YPEL2: variants seen among roughly 807,000 people sequenced by gnomAD.
YPEL2 encodes protein yippee-like 2.
YPEL2 carries 2 observed loss-of-function variants against 19.1 expected under a neutral mutation model. The ratio of observed to expected loss-of-function variants is 0.10; its 90% CI spans 0.04 to 0.33. The LOEUF is 0.33. YPEL2 is among the 10% of genes least tolerant of loss of function. The probability of loss-of-function intolerance (pLI) is 1.00; values close to 1 mark genes in which losing one functional copy is unlikely to be tolerated. For synonymous variants in YPEL2, 52 were observed against 50.0 expected (o/e 1.04, Z -0.17); for missense variants, 66 against 140.7 (o/e 0.47, Z 2.68).
intron 1 of YPEL2, among the ~76,000 whole-genome samples, chr17:59,352,678 C>G (rs1314834870): frequency 6.6e-6 from 1 of 152,174 alleles, no homozygotes; most frequent in Non-Finnish European, 1.5e-5. Context: ...TCCTTTATAT[C>G]CCATGCTCAA....
At chr17:59,362,049 A>G (rs192583805) in intron 2 of YPEL2, among the ~76,000 whole-genome samples, 154 of 152,322 alleles carry the variant, frequency 1.0e-3, no homozygotes, top group Non-Finnish European at 1.3e-4. Context: ...TCCCATTGAC[A>G]GTTGGTTGCT....
Position 59,397,294 on chromosome 17 carries a change from G to A in YPEL2, c.*104G>A, listed in dbSNP as rs2048044695. 1 of 871,790 alleles carries A rather than the reference G, an allele frequency of 1.1e-6. No individual in the cohort carries two copies. The highest frequency in any genetic ancestry group is 3.1e-5 in the East Asian group (1 of 32,282). 54.0% of individuals were successfully genotyped at this position (871,790 alleles called of 1,614,324 possible). On this transcript the variant is annotated 3_prime_UTR_variant, in exon 5 of 5. Transcript: ENST00000312655. Reference sequence around the variant, plus strand: ...TGACACTTGGTTCCATCCATTTAGGGGCCTTGCCATCCGGGGCATCCTCCC... The same window carrying A: ...TGACACTTGGTTCCATCCATTTAGGAGCCTTGCCATCCGGGGCATCCTCCC...
intron 1 of YPEL2, among the ~76,000 whole-genome samples, chr17:59,338,693 G>T (rs181284505): frequency 6.6e-6 from 1 of 152,170 alleles, no homozygotes; most frequent in Non-Finnish European, 1.5e-5. Flanking sequence ...AGAGCACTCC[G>T]TGGGAGTGGA....
chr17:59,383,288 G>C (rs2047959084), intron 2 of YPEL2, among the ~76,000 whole-genome samples: 1 of 151,686 alleles, frequency 6.6e-6, no homozygotes. Context: ...AGTCTATTTA[G>C]TCTTACAGTC....
chr17:59,374,898 A>G (rs1418934409), intron 2 of YPEL2, among the ~76,000 whole-genome samples: 1 of 152,236 alleles, frequency 6.6e-6, no homozygotes, highest in African/African-American at 2.4e-5. Flanking sequence ...CCAAGCTACT[A>G]AACTGGGAGA....
chr17:59,332,085 C>T (rs1251024720), intron 1 of YPEL2, among the ~76,000 whole-genome samples: 7 of 152,132 alleles, frequency 4.6e-5, no homozygotes, highest in African/African-American at 1.7e-4. Context: ...GGGCGCGGGA[C>T]CCCCGGCCGG....
chr17:59,385,332 G>A (rs907955793), intron 2 of YPEL2, among the ~76,000 whole-genome samples: 29 of 152,240 alleles, frequency 1.9e-4, no homozygotes, highest in African/African-American at 7.0e-4. Flanking sequence ...CACTTTGGGA[G>A]GCCAAGGCAG....
At chr17:59,339,261 G>T (rs1484479130) in intron 1 of YPEL2, among the ~76,000 whole-genome samples, 2 of 152,186 alleles carry the variant, frequency 1.3e-5, no homozygotes, top group African/African-American at 4.8e-5. Context: ...GTATGAACGT[G>T]CACATTACAT....
intron 1 of YPEL2, among the ~76,000 whole-genome samples, chr17:59,340,608 G>C (rs915282425): frequency 2.0e-5 from 3 of 150,658 alleles, no homozygotes; most frequent in Non-Finnish European, 4.4e-5. Flanking sequence ...GTAGAGACGG[G>C]GTTTCACCGT....
intron 2 of YPEL2, among the ~76,000 whole-genome samples, chr17:59,374,395 C>CT (rs1458081399): frequency 1.3e-5 from 2 of 152,316 alleles, no homozygotes; most frequent in East Asian, 3.9e-4. Flanking sequence ...TCAAGTAACA[C>CT]TGTCTCTTCC....
intron 2 of YPEL2, among the ~76,000 whole-genome samples, chr17:59,370,742 A>G (rs1446930229): frequency 2.5e-5 from 2 of 80,478 alleles, no homozygotes; most frequent in Non-Finnish European, 4.5e-5. Flanking sequence ...CCATCGAGCC[A>G]TGGCACACAG....
rs546334532 is a variant in YPEL2, at chr17:59,397,578, A to G, written c.*388A>G. 6 of 165,280 alleles carry G rather than the reference A, an allele frequency of 3.6e-5. 1 individual carries two copies. The South Asian group carries it at 1.2e-3, about 33-fold the overall frequency. The allele number at this position is 165,280 out of a possible 1,614,324, so 10.2% of individuals were successfully genotyped here. A position where few individuals can be genotyped will look rare whatever the true frequency, so the allele number is the denominator to read the frequency against. ...GGGGCGTGAGGAAGAGGGAAAGGGG[A>G]AACTCTAAGGGTCCTGGCGCGGGGA... On this transcript the variant is annotated 3_prime_UTR_variant, in exon 5 of 5. Transcript: ENST00000312655.
intron 2 of YPEL2, among the ~76,000 whole-genome samples, chr17:59,387,353 C>G (rs1354181239): frequency 6.6e-6 from 1 of 151,780 alleles, no homozygotes; most frequent in Non-Finnish European, 1.5e-5. Flanking sequence ...ATGATTGTCT[C>G]GCGTGCTGAT....
intron 1 of YPEL2, among the ~76,000 whole-genome samples, chr17:59,334,257 G>T (rs969617464): frequency 3.9e-5 from 6 of 152,140 alleles, no homozygotes; most frequent in Admixed American, 3.9e-4. Context: ...TCACGGTTTT[G>T]AGGCAGCCAC....
intron 1 of YPEL2, among the ~76,000 whole-genome samples, chr17:59,349,361 T>TTTC (rs1555569665): frequency 8.7e-6 from 1 of 115,308 alleles, no homozygotes; most frequent in African/African-American, 4.2e-5. Context: ...TTTTTTTCTT[T>TTTC]TTTTTTTTTT....
chr17:59,346,333 T>C (rs1398101753), intron 1 of YPEL2, among the ~76,000 whole-genome samples: 1 of 152,208 alleles, frequency 6.6e-6, no homozygotes, highest in African/African-American at 2.4e-5. Flanking sequence ...TTTTAATTTG[T>C]TTGTTTTTTA....
rs1243359071 is a variant in YPEL2 at position 59,400,323 on chromosome 17, T to C, written c.*3133T>C. The C allele has an allele frequency of 1.3e-5, 2 of 152,628 alleles. No individual in the cohort carries two copies. The highest frequency in any genetic ancestry group is 2.4e-5 in the African/African-American group (1 of 41,444). 9.5% of individuals were successfully genotyped at this position (152,628 alleles called of 1,614,324 possible). On this transcript the variant is annotated 3_prime_UTR_variant, in exon 5 of 5. Transcript: ENST00000312655. ...ATAAAAGAAACAGTTGCTTGTAAAATATACTTTTGTAAATAATATTTAATT... is the reference window on the plus strand; with the variant it reads ...ATAAAAGAAACAGTTGCTTGTAAAACATACTTTTGTAAATAATATTTAATT...
chr17:59,348,839 CA>C (rs1206014877), intron 1 of YPEL2, among the ~76,000 whole-genome samples: 5 of 152,036 alleles, frequency 3.3e-5, no homozygotes, highest in African/African-American at 1.2e-4. Context: ...GGCTAAAGTT[CA>C]AAAATTAGAA....
chr17:59,332,990 G>A (rs1273125041), intron 1 of YPEL2, among the ~76,000 whole-genome samples: 1 of 152,184 alleles, frequency 6.6e-6, no homozygotes, highest in Non-Finnish European at 1.5e-5. Flanking sequence ...GGGCAAGAAG[G>A]GTAGCGGTCA....
Sources: allele counts gnomAD v4.1 joint callset (sites outside exome capture counted in the v4.1 genomes callset), GRCh38; gene constraint gnomAD v4.1.1; transcripts MANE v1.5; gene names NCBI Gene and HGNC (gene_info 2026-07-23, HGNC 2026-07-21).